MAP9: variants seen among roughly 807,000 people sequenced by gnomAD.
MAP9 encodes the protein microtubule associated protein 9, also known as microtubule-associated protein 9.
In MAP9, 80 loss-of-function variants were observed where a neutral mutation model predicts 75.2. The observed-to-expected ratio is 1.06, with a 90% CI of 0.89 to 1.28. MAP9 has a LOEUF of 1.28. Ranked by LOEUF, MAP9 falls within the 50% of genes most tolerant of loss-of-function variation. MAP9 has a pLI of 0.00. For missense variants in MAP9, 753 were observed against 719.9 expected, an observed-to-expected ratio of 1.05 and a Z score of -0.53; for synonymous variants, 235 against 237.3, an observed-to-expected ratio of 0.99 and a Z score of 0.09.
chr4:155,364,804 T>G (rs1732250957), intron 5 of MAP9, among the ~76,000 whole-genome samples: 1 of 151,322 alleles, frequency 6.6e-6, no homozygotes, highest in African/African-American at 2.4e-5. Flanking sequence ...CAATATCAAT[T>G]CTAAATAGAT....
chr4:155,374,893 G>T, intron 3 of MAP9, 44 bp downstream of exon 3: 1 of 1,341,846 alleles, frequency 7.5e-7, no homozygotes, highest in Non-Finnish European at 1.0e-6. Context: ...AACTAAGGAA[G>T]CAAAAAGAAG....
chr4:155,373,460 A>C lies in MAP9; in HGVS notation c.161-4T>G. On this transcript the variant is annotated splice_polypyrimidine_tract_variant and splice_region_variant and intron_variant, in intron 3 of 13. Transcript: ENST00000311277. ...TCAGAAAAATCACCTAAAGAAACTG[A>C]AAAATGGAAAAGAAAAATGTTTTCA... 3 of 1,455,918 alleles carry C rather than the reference A, an allele frequency of 2.1e-6. No individual in the cohort carries two copies. The highest frequency in any genetic ancestry group is 2.7e-6 in the Non-Finnish European group (3 of 1,114,550). 90.2% of individuals were successfully genotyped at this position (1,455,918 alleles called of 1,614,324 possible). A position where few individuals can be genotyped will look rare whatever the true frequency, so the allele number is the denominator to read the frequency against.
At chr4:155,375,068 C>T (rs990203420) in intron 2 of MAP9, 47 bp from the exon 3 acceptor site, 32 of 1,342,804 alleles carry the variant, frequency 2.4e-5, no homozygotes, top group Non-Finnish European at 2.8e-5. Flanking sequence ...ATGGAGGTAT[C>T]ATATTCACAA....
At chr4:155,356,572 G>T (rs1295021760) in intron 8 of MAP9, among the ~76,000 whole-genome samples, 1 of 152,020 alleles carries the variant, frequency 6.6e-6, no homozygotes, top group Non-Finnish European at 1.5e-5. Context: ...TCATCATTTT[G>T]TTACATGAAG....
At position 155,344,914 on chromosome 4, in the gene MAP9, T is replaced by C. The variant is rs1731229697; in HGVS notation, c.*2869A>G. On this transcript the variant is annotated 3_prime_UTR_variant, in exon 14 of 14. Coordinates refer to ENST00000311277, the MANE Select transcript of MAP9 (RefSeq NM_001039580.2). ...AATTTGTTTTCTTTACTTTGAGATC[T>C]CTGCATTCTTTAAGTGATCAACGCA... 6.6e-6 allele frequency: 1 copy of C among 152,154 alleles called. No homozygotes were observed. 9.4% of individuals were successfully genotyped at this position (152,154 alleles called of 1,614,324 possible).
intron 5 of MAP9, among the ~76,000 whole-genome samples, chr4:155,366,852 T>C (rs759594810): frequency 3.3e-5 from 5 of 152,218 alleles, no homozygotes; most frequent in Non-Finnish European, 7.3e-5. Context: ...CAGATAATTG[T>C]ACTGGTGAAT....
At chr4:155,348,108 G>A (rs545855938) in intron 13 of MAP9, among the ~76,000 whole-genome samples, 2 of 152,242 alleles carry the variant, frequency 1.3e-5, no homozygotes, top group African/African-American at 4.8e-5. Context: ...GACTAAGGTG[G>A]GTGGATTGTT....
chr4:155,375,662 A>T, intron 2 of MAP9, 114 bp downstream of exon 2: 1 of 568,250 alleles, frequency 1.8e-6, no homozygotes, highest in East Asian at 3.1e-5. Flanking sequence ...CAAAACCTCA[A>T]AAGTAATATA....
intron 5 of MAP9, among the ~76,000 whole-genome samples, chr4:155,366,110 C>T (rs569947254): frequency 6.6e-6 from 1 of 152,196 alleles, no homozygotes; most frequent in South Asian, 2.1e-4. Flanking sequence ...CCTGTAATCC[C>T]AACACCTTGG....
chr4:155,358,928 G>A (rs1489221111), intron 7 of MAP9, among the ~76,000 whole-genome samples: 2 of 152,030 alleles, frequency 1.3e-5, no homozygotes, highest in Admixed American at 1.3e-4. Context: ...AGTAACAGAT[G>A]TTGGTGAGAA....
chr4:155,353,359 T>C lies in MAP9; in HGVS notation c.1381-19A>G. 1.9e-6 allele frequency: 3 copies of C among 1,544,034 alleles called. No individual in the cohort carries two copies. The South Asian group carries it at 3.8e-5, about 20-fold the overall frequency. On this transcript the variant is annotated intron_variant, in intron 10 of 13. Coordinates refer to ENST00000311277, the MANE Select transcript of MAP9 (RefSeq NM_001039580.2). The stretch of plus-strand genomic sequence containing the variant: ...CTTTTTTCTACAGTGGAAAAAATAA[T>C]AGAGTGATATACATATATATGTATA...
chr4:155,355,168 A>AAT lies in MAP9; in HGVS notation c.1291-9_1291-8insAT. The AAT allele has an allele frequency of 1.0e-6, 1 of 962,146 alleles. No homozygotes were observed. Among genetic ancestry groups the AAT allele is most frequent in the Non-Finnish European group, 1.5e-6 (1 of 664,360 alleles). The allele number at this position is 962,146 out of a possible 1,614,324, so 59.6% of individuals were successfully genotyped here. ...TTTCTTTTCTAACCACTCCTATAAG[A>AAT]ACAAGAAAAAGGTCATATAATATTT... On this transcript the variant is annotated splice_polypyrimidine_tract_variant and intron_variant, in intron 9 of 13. Coordinates refer to ENST00000311277, the MANE Select transcript of MAP9 (RefSeq NM_001039580.2).
intron 3 of MAP9, among the ~76,000 whole-genome samples, chr4:155,374,521 T>A (rs1395128308): frequency 6.6e-6 from 1 of 152,130 alleles, no homozygotes; most frequent in Non-Finnish European, 1.5e-5. Flanking sequence ...AAAATCTGAT[T>A]TATAGCAAGC....
chr4:155,349,305 T>TGAGAAAAAAATGCATGAGGACTAA (rs1560800861), intron 13 of MAP9: 6 of 152,230 alleles, frequency 3.9e-5, no homozygotes, highest in South Asian at 2.1e-4. Flanking sequence ...GGGCACCAGG[T>TGAGAAAAAAATGCATGAGGACTAA]GTCCCTTTAT....
chr4:155,373,279 T>C lies in MAP9; in HGVS notation c.338A>G (p.Glu113Gly). 1 of 1,613,886 alleles carries C rather than the reference T, an allele frequency of 6.2e-7. No individual in the cohort carries two copies. The highest frequency in any genetic ancestry group is 8.5e-7 in the Non-Finnish European group (1 of 1,179,922). The change falls in exon 4 of 14, where the codon GAA (glutamate) becomes GGA (glycine). Residue 113 changes from glutamate (E) to glycine (G), a missense_variant. Coordinates refer to ENST00000311277, the MANE Select transcript of MAP9 (RefSeq NM_001039580.2). ...ACACCCATCAGGTGCCATTTCCTCT[T>C]CATTTTTGATGGCACACACTGGCTC... ...KDEPVCAIKN[E>G]EEMAPDGCED...
At position 155,359,097 on chromosome 4, in the gene MAP9, T is replaced by C. The variant is rs187349264; in HGVS notation, c.1050+1071A>G. ...TATCTGCCAAAAGGAAAATAAATCATTATATAAAAAAGATACCTGCACTCA... is the reference window on the plus strand; with the variant it reads ...TATCTGCCAAAAGGAAAATAAATCACTATATAAAAAAGATACCTGCACTCA... On this transcript the variant is annotated intron_variant, in intron 7 of 13. Transcript: ENST00000311277. 3.5e-3 allele frequency among the ~76,000 whole-genome samples: 535 copies of C among 151,800 alleles called. 3 individuals carry two copies. Among genetic ancestry groups the C allele is most frequent in the Middle Eastern group, 6.8e-3 (2 of 294 alleles).
intron 13 of MAP9, among the ~76,000 whole-genome samples, chr4:155,351,873 A>G (rs528601272): frequency 4.6e-5 from 7 of 152,096 alleles, no homozygotes; most frequent in Admixed American, 2.0e-4. Flanking sequence ...TTGCTGAATC[A>G]TATGAATATG....
rs1267775820 is a variant in MAP9 at position 155,355,699 on chromosome 4, A to T, written c.1290+17T>A. ...AGTGATCATTCTTCTTCTCTTAAAA[A>T]TATTTTCCTTTTTTACCTGATAAAC... On this transcript the variant is annotated intron_variant, in intron 9 of 13. Coordinates refer to ENST00000311277, the MANE Select transcript of MAP9 (RefSeq NM_001039580.2). The T allele has an allele frequency of 6.3e-7, 1 of 1,588,856 alleles. No individual in the cohort carries two copies. Among genetic ancestry groups the T allele is most frequent in the Admixed American group, 1.8e-5 (1 of 55,390 alleles).
intron 6 of MAP9, chr4:155,361,040 T>C (rs1473267958): frequency 1.3e-5 from 2 of 152,130 alleles, no homozygotes; most frequent in Non-Finnish European, 2.9e-5. Flanking sequence ...TTTGCATTTA[T>C]AGAATTGCTT....
Sources: allele counts gnomAD v4.1 joint callset (sites outside exome capture counted in the v4.1 genomes callset), GRCh38; gene constraint gnomAD v4.1.1; transcripts MANE v1.5; gene names NCBI Gene and HGNC (gene_info 2026-07-23, HGNC 2026-07-21).